KCNAB1: variants seen among roughly 807,000 people sequenced by gnomAD.
KCNAB1 encodes potassium voltage-gated channel subfamily A regulatory beta subunit 1.
KCNAB1 carries 35 observed loss-of-function variants against 64.6 expected under a neutral mutation model. That is an observed-to-expected ratio of 0.54 (90% CI 0.41 to 0.72). The LOEUF is 0.72. KCNAB1 is among the 30% of genes least tolerant of loss of function. KCNAB1 has a pLI of 0.00. For synonymous variants in KCNAB1, 177 were observed against 183.8 expected, an observed-to-expected ratio of 0.96 and a Z score of 0.30; for missense variants, 401 against 512.9, an observed-to-expected ratio of 0.78 and a Z score of 2.11.
At chr3:156,362,242 C>A (rs548974091) in intron 1 of KCNAB1, among the ~76,000 whole-genome samples, 2 of 152,078 alleles carry the variant, frequency 1.3e-5, no homozygotes, top group African/African-American at 2.4e-5. Context: ...TTTCTAAAAG[C>A]GTAATTTTTA....
chr3:156,223,966 C>T lies in KCNAB1; in HGVS notation c.275+103080C>T, dbSNP rs544112376. ...CCGGGCTCCGTGGAGCAGGGGGCAG[C>T]GCTCATCAGGGAGGCTCAGGCCGCG... On this transcript the variant is annotated intron_variant, in intron 1 of 13. Transcript: ENST00000490337. Among the ~76,000 whole-genome samples the T allele has an allele frequency of 4.6e-5, 7 of 152,344 alleles. No individual in the cohort carries two copies. The East Asian group carries it at 5.8e-4, about 13-fold the overall frequency.
At chr3:156,151,194 C>T (rs1196171942) in intron 1 of KCNAB1, among the ~76,000 whole-genome samples, 2 of 152,214 alleles carry the variant, frequency 1.3e-5, no homozygotes, top group Admixed American at 6.5e-5. Context: ...TCTTGTGGGC[C>T]TGGCTCATCA....
At chr3:156,425,999 G>A (rs1212804264) in intron 2 of KCNAB1, among the ~76,000 whole-genome samples, 1 of 152,304 alleles carries the variant, frequency 6.6e-6, no homozygotes, top group East Asian at 1.9e-4. Context: ...CCACCGAGGG[G>A]AGGTACTTGG....
At chr3:156,147,993 C>A (rs950587523) in intron 1 of KCNAB1, among the ~76,000 whole-genome samples, 23 of 140,232 alleles carry the variant, frequency 1.6e-4, no homozygotes, top group African/African-American at 5.7e-4. Flanking sequence ...ACACACCGCA[C>A]CCTGGAGATA....
At chr3:156,501,908 A>T (rs1231604743) in intron 8 of KCNAB1, among the ~76,000 whole-genome samples, 1 of 152,152 alleles carries the variant, frequency 6.6e-6, no homozygotes, top group Non-Finnish European at 1.5e-5. Context: ...GGAAGAGAAA[A>T]CGAGGAAGAA....
chr3:156,520,368 C>A (rs1717861070), intron 11 of KCNAB1, among the ~76,000 whole-genome samples: 3 of 152,004 alleles, frequency 2.0e-5, no homozygotes, highest in Admixed American at 2.0e-4. Context: ...ATCGCTTGAG[C>A]CCAGGAGTTT....
At chr3:156,256,089 T>C (rs1718083656) in intron 1 of KCNAB1, among the ~76,000 whole-genome samples, 1 of 152,248 alleles carries the variant, frequency 6.6e-6, no homozygotes, top group Non-Finnish European at 1.5e-5. Flanking sequence ...AAAGCAGCCA[T>C]AGTTTGACTG....
At chr3:156,209,958 A>G (rs1714911485) in intron 1 of KCNAB1, among the ~76,000 whole-genome samples, 1 of 152,260 alleles carries the variant, frequency 6.6e-6, no homozygotes. Context: ...CTTGAAAAAA[A>G]GATCTTTAAA....
At chr3:156,308,466 C>T (rs752506734) in intron 1 of KCNAB1, among the ~76,000 whole-genome samples, 98 of 152,162 alleles carry the variant, frequency 6.4e-4, no homozygotes, top group Non-Finnish European at 1.1e-3. Flanking sequence ...CAATAAAAAA[C>T]AGTGTGTAGT....
At chr3:156,123,008 C>T (rs57771058) in intron 1 of KCNAB1, among the ~76,000 whole-genome samples, 14,136 of 152,172 alleles carry the variant, frequency 0.093, 764 homozygotes, top group East Asian at 0.15. Context: ...ATAGAATGTA[C>T]GATCCCCCAA....
At chr3:156,370,052 C>A (rs1383958879) in intron 1 of KCNAB1, among the ~76,000 whole-genome samples, 1 of 152,212 alleles carries the variant, frequency 6.6e-6, no homozygotes, top group Non-Finnish European at 1.5e-5. Context: ...AATGCTTTCA[C>A]TTTCCACCCT....
intron 1 of KCNAB1, among the ~76,000 whole-genome samples, chr3:156,311,988 C>T (rs1721941658): frequency 6.6e-6 from 1 of 152,174 alleles, no homozygotes; most frequent in Admixed American, 6.5e-5. Context: ...TTTGGAGCAC[C>T]CCACTCATCA....
intron 6 of KCNAB1, 121 bp from the exon 7 acceptor site, chr3:156,465,518 GCCTC>G (rs112858355): frequency 0.11 from 87,304 of 763,264 alleles, 8,613 homozygotes; most frequent in African/African-American, 0.43. Context: ...TCTCTCCTTA[GCCTC>G]CCTCCAGTGG....
At chr3:156,238,040 G>A (rs560898574) in intron 1 of KCNAB1, among the ~76,000 whole-genome samples, 3 of 152,288 alleles carry the variant, frequency 2.0e-5, no homozygotes, top group Non-Finnish European at 2.9e-5. Context: ...GAATGAGACC[G>A]TTGGCCTGGG....
chr3:156,244,439 A>G lies in KCNAB1; in HGVS notation c.275+123553A>G, dbSNP rs576623782. Among the ~76,000 whole-genome samples, 13 of 152,272 alleles carry G rather than the reference A, an allele frequency of 8.5e-5. No individual in the cohort carries two copies. The South Asian group carries it at 1.2e-3, about 15-fold the overall frequency. On this transcript the variant is annotated intron_variant, in intron 1 of 13. Coordinates refer to ENST00000490337, the MANE Select transcript of KCNAB1 (RefSeq NM_172160.3). Reference sequence around the variant, plus strand: ...GATCCTTAACATAATTACACCACCAAAGTCCCTTTTTGCCATGTAAAGCAA... The same window carrying G: ...GATCCTTAACATAATTACACCACCAGAGTCCCTTTTTGCCATGTAAAGCAA...
intron 2 of KCNAB1, among the ~76,000 whole-genome samples, chr3:156,425,353 T>C (rs910818066): frequency 1.6e-4 from 24 of 152,080 alleles, no homozygotes; most frequent in African/African-American, 5.8e-4. Flanking sequence ...TAAGAGCAAA[T>C]GTGTAAATGG....
chr3:156,536,272 CTT>C (rs750449920), intron 13 of KCNAB1, among the ~76,000 whole-genome samples: 19 of 152,198 alleles, frequency 1.2e-4, no homozygotes, highest in Non-Finnish European at 2.5e-4. Flanking sequence ...TGTCAAGTAT[CTT>C]TTCTATATTG....
intron 8 of KCNAB1, among the ~76,000 whole-genome samples, chr3:156,498,413 G>A (rs545980006): frequency 2.7e-4 from 41 of 152,186 alleles, no homozygotes; most frequent in African/African-American, 9.2e-4. Flanking sequence ...TTTCCTGTGC[G>A]GTTCTCATGA....
At chr3:156,391,017 G>A (rs1222099345) in intron 1 of KCNAB1, among the ~76,000 whole-genome samples, 3 of 152,278 alleles carry the variant, frequency 2.0e-5, no homozygotes, top group Non-Finnish European at 2.9e-5. Context: ...CAGTTTAGAC[G>A]TATGGTTCAG....
Sources: allele counts gnomAD v4.1 joint callset (sites outside exome capture counted in the v4.1 genomes callset), GRCh38; gene constraint gnomAD v4.1.1; transcripts MANE v1.5; gene names NCBI Gene and HGNC (gene_info 2026-07-23, HGNC 2026-07-21).